Variants in SYT1 observed in about 807,000 individuals in gnomAD.
SYT1 encodes the protein synaptotagmin 1.
Under a neutral mutation model 44.8 loss-of-function variants are expected in SYT1, and 8 were observed. That is an observed-to-expected ratio of 0.18 (90% CI 0.10 to 0.32). The LOEUF (loss-of-function observed/expected upper bound fraction) is 0.32. Among genes scored for constraint, SYT1 ranks in the 10% least tolerant of loss-of-function variants. The pLI, the probability that SYT1 is intolerant of heterozygous loss-of-function variation, is 1.00. For synonymous variants in SYT1, 154 were observed against 188.8 expected (o/e 0.82, Z 1.51); for missense variants, 286 against 509.3 (o/e 0.56, Z 4.22).
intron 9 of SYT1, among the ~76,000 whole-genome samples, chr12:79,390,679 C>T (rs1884622548): frequency 6.6e-6 from 1 of 152,166 alleles, no homozygotes. Flanking sequence ...ATAATTTTGT[C>T]TAGCTCAATA....
At chr12:79,017,314 ATAAT>A (rs1871871380) in intron 2 of SYT1, among the ~76,000 whole-genome samples, 1 of 152,166 alleles carries the variant, frequency 6.6e-6, no homozygotes, top group African/African-American at 2.4e-5. Context: ...GAATAGCAAA[ATAAT>A]TAATCATAGT....
rs897094208 is a variant in SYT1 at position 78,895,592 on chromosome 12, A to G, written c.-217+30483A>G. 8.6e-5 allele frequency among the ~76,000 whole-genome samples: 13 copies of G among 151,932 alleles called. No individual in the cohort carries two copies. In the South Asian group the frequency reaches 1.4e-3, roughly 17 times the overall value. ...CAATTCCATTTGTTGTTGTTGATCTATATACTTACCCATATGTAAAATATT... is the reference window on the plus strand; with the variant it reads ...CAATTCCATTTGTTGTTGTTGATCTGTATACTTACCCATATGTAAAATATT... On this transcript the variant is annotated intron_variant, in intron 1 of 10. Transcript: ENST00000261205.
chr12:79,282,771 C>T (rs1879116663), intron 4 of SYT1, among the ~76,000 whole-genome samples: 1 of 152,128 alleles, frequency 6.6e-6, no homozygotes, highest in Non-Finnish European at 1.5e-5. Flanking sequence ...AACTATTCAA[C>T]CTATAGTTTT....
At chr12:79,288,083 G>A (rs1879399406) in intron 5 of SYT1, among the ~76,000 whole-genome samples, 1 of 151,934 alleles carries the variant, frequency 6.6e-6, no homozygotes, top group Non-Finnish European at 1.5e-5. Flanking sequence ...TACACTCCAG[G>A]GATAAACGTT....
chr12:79,109,024 G>T (rs542510818), intron 3 of SYT1, among the ~76,000 whole-genome samples: 2 of 152,178 alleles, frequency 1.3e-5, no homozygotes, highest in African/African-American at 4.8e-5. Flanking sequence ...CATGAGGAGG[G>T]CAGGGTTCAA....
At chr12:79,128,928 C>G (rs752187455) in intron 3 of SYT1, among the ~76,000 whole-genome samples, 7 of 152,058 alleles carry the variant, frequency 4.6e-5, no homozygotes, top group Non-Finnish European at 8.8e-5. Flanking sequence ...ATATGCTATT[C>G]TTACTAGAAT....
rs780874686 is a variant in SYT1, at chr12:79,377,445, TA to T, written c.928+23827del. On this transcript the variant is annotated intron_variant, in intron 9 of 10. Transcript: ENST00000261205. ...ATAGCTTAAATCTTAACCACCAATT[TA>T]TTTTTTTCTTCTATATGTGTTGGTA... 4.6e-5 allele frequency among the ~76,000 whole-genome samples: 7 copies of T among 152,366 alleles called. No individual in the cohort carries two copies. In the South Asian group the frequency reaches 1.2e-3, roughly 27 times the overall value.
intron 4 of SYT1, among the ~76,000 whole-genome samples, chr12:79,280,674 A>G (rs1010430976): frequency 2.6e-5 from 4 of 151,984 alleles, no homozygotes; most frequent in African/African-American, 9.7e-5. Context: ...AAATTAAAAA[A>G]CTTCTGTACA....
chr12:78,933,688 G>A lies in SYT1; in HGVS notation c.-216-44111G>A, dbSNP rs76546642. On this transcript the variant is annotated intron_variant, in intron 1 of 10. Transcript: ENST00000261205. Reference sequence around the variant, plus strand: ...TATGTTTCAGATCACCTTGGATACTGTTTTAGCATTAGTTTAATAATTTTT... The same window carrying A: ...TATGTTTCAGATCACCTTGGATACTATTTTAGCATTAGTTTAATAATTTTT... Among the ~76,000 whole-genome samples the A allele has an allele frequency of 5.9e-5, 9 of 152,224 alleles. No individual in the cohort carries two copies. In the East Asian group the frequency reaches 1.7e-3, roughly 30 times the overall value.
intron 8 of SYT1, among the ~76,000 whole-genome samples, chr12:79,318,246 G>C (rs897686879): frequency 6.6e-6 from 1 of 152,220 alleles, no homozygotes; most frequent in South Asian, 2.1e-4. Context: ...TTGTGCCTCC[G>C]GAGGGCCTGT....
chr12:79,218,800 T>A (rs1874974408), intron 4 of SYT1, among the ~76,000 whole-genome samples: 1 of 152,210 alleles, frequency 6.6e-6, no homozygotes, highest in Non-Finnish European at 1.5e-5. Context: ...GTCTTGGCTA[T>A]TGTGAAAATT....
upstream of SYT1, chr12:78,864,021 A>T (rs1410689721): frequency 6.6e-6 from 1 of 152,130 alleles, no homozygotes; most frequent in Non-Finnish European, 1.5e-5. Flanking sequence ...CCTTCGCGGG[A>T]AGTCCCCAGG....
chr12:79,341,942 A>G (rs1328053671), intron 8 of SYT1, among the ~76,000 whole-genome samples: 1 of 152,056 alleles, frequency 6.6e-6, no homozygotes, highest in Non-Finnish European at 1.5e-5. Flanking sequence ...GATGTGAAAG[A>G]TGAGTGAAAG....
chr12:79,249,365 A>C (rs2138685824), intron 4 of SYT1, among the ~76,000 whole-genome samples: 1 of 151,722 alleles, frequency 6.6e-6, no homozygotes, highest in South Asian at 2.1e-4. Flanking sequence ...CGGCCTCCCA[A>C]AGTGCTGGGA....
At chr12:79,024,386 C>T (rs1872391597) in intron 2 of SYT1, among the ~76,000 whole-genome samples, 1 of 151,764 alleles carries the variant, frequency 6.6e-6, no homozygotes. Context: ...AAAAGTAAAG[C>T]ACATTTATGT....
intron 1 of SYT1, among the ~76,000 whole-genome samples, chr12:78,908,740 A>G (rs1876137901): frequency 6.6e-6 from 1 of 152,008 alleles, no homozygotes; most frequent in African/African-American, 2.4e-5. Context: ...AATGAATAAA[A>G]AGAATTCATG....
At chr12:79,424,812 T>C (rs1009672712) in intron 9 of SYT1, among the ~76,000 whole-genome samples, 2 of 152,100 alleles carry the variant, frequency 1.3e-5, no homozygotes, top group Non-Finnish European at 2.9e-5. Context: ...TTGTGTGTGA[T>C]TGTATGCAGA....
At chr12:78,922,805 GTAC>G (rs1437257478) in intron 1 of SYT1, among the ~76,000 whole-genome samples, 1 of 151,912 alleles carries the variant, frequency 6.6e-6, no homozygotes, top group Non-Finnish European at 1.5e-5. Flanking sequence ...GTTCTTTTCA[GTAC>G]TTTATTTCAT....
At chr12:78,961,086 C>A (rs1879476028) in intron 1 of SYT1, among the ~76,000 whole-genome samples, 1 of 151,874 alleles carries the variant, frequency 6.6e-6, no homozygotes, top group African/African-American at 2.4e-5. Context: ...CTTAAGTTTG[C>A]TACTTCAAGC....
Sources: gnomAD v4.1 joint callset for allele counts (sites outside exome capture counted in the v4.1 genomes callset) on GRCh38, gnomAD v4.1.1 for gene constraint, MANE v1.5 for transcripts, NCBI Gene and HGNC (gene_info 2026-07-23, HGNC 2026-07-21) for gene names.